The following LRRC4C variants were observed in gnomAD, a reference collection of about 807,000 sequenced individuals.
LRRC4C encodes the protein leucine rich repeat containing 4C.
In LRRC4C, 5 loss-of-function variants were observed where a neutral mutation model predicts 33.6. That is an observed-to-expected ratio of 0.15 (90% CI 0.08 to 0.31). The LOEUF is 0.31. Among genes scored for constraint, LRRC4C ranks in the 10% least tolerant of loss-of-function variants. LRRC4C has a pLI of 1.00. For synonymous variants in LRRC4C, 329 were observed against 302.0 expected (o/e 1.09, Z -0.93); for missense variants, 560 against 796.7 (o/e 0.70, Z 3.58).
chr11:40,122,968 C>CAG (rs1855941548), intron 6 of LRRC4C, among the ~76,000 whole-genome samples: 1 of 139,304 alleles, frequency 7.2e-6, no homozygotes, highest in African/African-American at 2.8e-5. Context: ...CACACACACA[C>CAG]ACACACACAC....
rs543059176 is a variant in LRRC4C at position 40,720,496 on chromosome 11, ATAGT to A, written c.-406-72222_-406-72219del. The stretch of plus-strand genomic sequence containing the variant: ...CTTAAGAGATATAAGTTCAAAAACG[ATAGT>A]TAGCAGTACAAGAGAATGCCTAAGG... On this transcript the variant is annotated intron_variant, in intron 2 of 6. Coordinates refer to ENST00000528697, the MANE Select transcript of LRRC4C (RefSeq NM_001258419.2). Among the ~76,000 whole-genome samples, 49 of 152,334 alleles carry A rather than the reference ATAGT, an allele frequency of 3.2e-4. No homozygotes were observed. The East Asian group carries it at 9.1e-3, about 28-fold the overall frequency.
intron 1 of LRRC4C, among the ~76,000 whole-genome samples, chr11:41,165,980 G>A (rs1473421509): frequency 3.3e-5 from 5 of 150,134 alleles, no homozygotes; most frequent in East Asian, 3.9e-4. Flanking sequence ...GCAGTGAGTC[G>A]AAATCGTGCC....
chr11:41,445,796 T>C (rs191181454), intron 1 of LRRC4C, among the ~76,000 whole-genome samples: 1 of 151,814 alleles, frequency 6.6e-6, no homozygotes, highest in East Asian at 1.9e-4. Flanking sequence ...AAAAAGAACT[T>C]TTTTTCTTTC....
At chr11:41,360,985 A>G (rs1227578968) in intron 1 of LRRC4C, among the ~76,000 whole-genome samples, 1 of 152,222 alleles carries the variant, frequency 6.6e-6, no homozygotes, top group Non-Finnish European at 1.5e-5. Context: ...ACTACAATCA[A>G]TCATATTACT....
intron 2 of LRRC4C, among the ~76,000 whole-genome samples, chr11:40,843,943 A>G (rs1455620379): frequency 6.6e-6 from 1 of 152,204 alleles, no homozygotes; most frequent in Admixed American, 6.5e-5. Flanking sequence ...AGAAGTGAAT[A>G]AACAGCAGAA....
intron 2 of LRRC4C, among the ~76,000 whole-genome samples, chr11:40,841,403 T>A (rs943162908): frequency 6.6e-6 from 1 of 152,176 alleles, no homozygotes; most frequent in East Asian, 1.9e-4. Context: ...TAACTCCCAT[T>A]GCTGTTGCAT....
At chr11:40,669,880 A>G (rs905765195) in intron 2 of LRRC4C, among the ~76,000 whole-genome samples, 3 of 152,240 alleles carry the variant, frequency 2.0e-5, no homozygotes, top group Admixed American at 6.5e-5. Context: ...TTTACTTAAT[A>G]TTGAACTAAT....
In LRRC4C at chr11:40,130,017, C is replaced by T. The variant is rs113144306; in HGVS notation, c.-43+10784G>A. Among the ~76,000 whole-genome samples, 110 of 152,094 alleles carry T rather than the reference C, an allele frequency of 7.2e-4. 2 individuals carry two copies. In the South Asian group the frequency reaches 0.015, roughly 21 times the overall value. ...GTTTCTGGCTGTTTATGAATCCTTTCGATCTTATTCACTTTTTGATATTAA... is the reference window on the plus strand; with the variant it reads ...GTTTCTGGCTGTTTATGAATCCTTTTGATCTTATTCACTTTTTGATATTAA... On this transcript the variant is annotated intron_variant, in intron 6 of 6. Transcript: ENST00000528697.
chr11:41,097,202 T>C (rs1055500648), intron 1 of LRRC4C, among the ~76,000 whole-genome samples: 1 of 152,142 alleles, frequency 6.6e-6, no homozygotes. Flanking sequence ...TTTCTAACCC[T>C]ACTACAATCA....
chr11:40,693,185 G>A lies in LRRC4C; in HGVS notation c.-406-44907C>T, dbSNP rs149613138. On this transcript the variant is annotated intron_variant, in intron 2 of 6. Transcript: ENST00000528697. ...AAGAAAAGTTGGTTGTGTGGCACTG[G>A]AAATGCTGGTCTGCCATTTCAGATA... Among the ~76,000 whole-genome samples, 751 of 152,136 alleles carry A rather than the reference G, an allele frequency of 4.9e-3. 2 individuals carry two copies. Among genetic ancestry groups the A allele is most frequent in the Non-Finnish European group, 7.1e-3 (481 of 67,972 alleles).
chr11:40,940,655 C>A (rs1958098881), intron 1 of LRRC4C, among the ~76,000 whole-genome samples: 1 of 152,126 alleles, frequency 6.6e-6, no homozygotes, highest in African/African-American at 2.4e-5. Context: ...ACCTAAGTAG[C>A]TTTCTAATGC....
chr11:40,236,150 C>A (rs1869185), intron 5 of LRRC4C, among the ~76,000 whole-genome samples: 34 of 151,726 alleles, frequency 2.2e-4, no homozygotes, highest in Non-Finnish European at 4.6e-4. Flanking sequence ...GCTCTAAGAC[C>A]CAGATTTGGT....
chr11:40,213,544 G>A (rs1293103610), intron 5 of LRRC4C, among the ~76,000 whole-genome samples: 1 of 152,108 alleles, frequency 6.6e-6, no homozygotes, highest in Non-Finnish European at 1.5e-5. Flanking sequence ...CTTCCTAGTA[G>A]CCAAAACAAA....
chr11:40,992,418 A>C (rs1853646528), intron 1 of LRRC4C, among the ~76,000 whole-genome samples: 1 of 147,174 alleles, frequency 6.8e-6, no homozygotes, highest in Non-Finnish European at 1.5e-5. Context: ...TAAAAACAAA[A>C]GCATAAACAA....
At chr11:41,052,231 A>G (rs1302534024) in intron 1 of LRRC4C, among the ~76,000 whole-genome samples, 1 of 152,188 alleles carries the variant, frequency 6.6e-6, no homozygotes, top group African/African-American at 2.4e-5. Context: ...TGCAAATATA[A>G]AAAACTCTCT....
chr11:40,773,954 C>T (rs898433959), intron 2 of LRRC4C, among the ~76,000 whole-genome samples: 1 of 152,058 alleles, frequency 6.6e-6, no homozygotes, highest in African/African-American at 2.4e-5. Context: ...TATATCTAGT[C>T]TTCAAACACT....
intron 1 of LRRC4C, among the ~76,000 whole-genome samples, chr11:41,446,078 A>G (rs1411316537): frequency 6.6e-6 from 1 of 152,224 alleles, no homozygotes; most frequent in Non-Finnish European, 1.5e-5. Flanking sequence ...GTGAAAGTGA[A>G]TGAAGGTCAA....
chr11:40,383,580 G>A (rs911498875), intron 3 of LRRC4C, among the ~76,000 whole-genome samples: 2 of 151,954 alleles, frequency 1.3e-5, no homozygotes, highest in African/African-American at 4.8e-5. Context: ...ACTGATTTTG[G>A]TTTTGACTTG....
intron 1 of LRRC4C, among the ~76,000 whole-genome samples, chr11:41,009,513 C>G (rs1855018607): frequency 6.6e-6 from 1 of 151,668 alleles, no homozygotes; most frequent in African/African-American, 2.4e-5. Context: ...TAGCCACAGG[C>G]AAATCATATA....
Sources: gnomAD v4.1 joint callset for allele counts (sites outside exome capture counted in the v4.1 genomes callset) on GRCh38, gnomAD v4.1.1 for gene constraint, MANE v1.5 for transcripts, NCBI Gene and HGNC (gene_info 2026-07-23, HGNC 2026-07-21) for gene names.